Variants in CTNNA2 observed in about 807,000 individuals in gnomAD.
The protein encoded by CTNNA2 is catenin alpha 2, also known as catenin alpha-2.
In CTNNA2, 42 loss-of-function variants were observed where a neutral mutation model predicts 101.0. That is an observed-to-expected ratio of 0.42 (90% CI 0.32 to 0.54). CTNNA2 has a LOEUF of 0.54. Among genes scored for constraint, CTNNA2 ranks in the 20% least tolerant of loss-of-function variants. The probability of loss-of-function intolerance (pLI) is 0.14; values close to 1 mark genes in which losing one functional copy is unlikely to be tolerated. For synonymous variants in CTNNA2, 450 were observed against 456.4 expected (o/e 0.99, Z 0.18); for missense variants, 871 against 1,223.1 (o/e 0.71, Z 4.29).
At chr2:79,657,723 G>A (rs147378364) in intron 2 of CTNNA2, among the ~76,000 whole-genome samples, 1 of 151,492 alleles carries the variant, frequency 6.6e-6, no homozygotes, top group East Asian at 1.9e-4. Flanking sequence ...AGCAGTATAT[G>A]AAAAGATCAG....
intron 7 of CTNNA2, among the ~76,000 whole-genome samples, chr2:80,237,999 C>T (rs1257194052): frequency 6.7e-6 from 1 of 149,398 alleles, no homozygotes; most frequent in Non-Finnish European, 1.5e-5. Flanking sequence ...TAGCCACTCC[C>T]CTGACGTGTC....
intron 14 of CTNNA2, among the ~76,000 whole-genome samples, chr2:80,582,837 C>G (rs1012573152): frequency 1.3e-5 from 2 of 151,958 alleles, no homozygotes; most frequent in African/African-American, 4.8e-5. Flanking sequence ...CCCACACTGC[C>G]TTAAGAATTA....
chr2:80,527,944 C>G (rs2149588330), intron 9 of CTNNA2, among the ~76,000 whole-genome samples: 1 of 152,290 alleles, frequency 6.6e-6, no homozygotes, highest in South Asian at 2.1e-4. Context: ...GTGTGGGTCC[C>G]AGGCATCAAT....
chr2:80,426,088 A>G (rs1285362013), intron 9 of CTNNA2, among the ~76,000 whole-genome samples: 3 of 152,272 alleles, frequency 2.0e-5, no homozygotes, highest in African/African-American at 4.8e-5. Context: ...TAAAATAATT[A>G]TTAGTAATTT....
In CTNNA2 at chr2:80,400,286, C is replaced by T. The variant is rs995482918; in HGVS notation, c.1137+6995C>T. ...ATCAGGACTGCTGATATTTCTTTAT[C>T]TCCCCATTTCCTGAGGAGGCTGGAC... is the stretch of plus-strand genomic sequence containing the variant. On this transcript the variant is annotated intron_variant, in intron 8 of 18. Coordinates refer to ENST00000402739, the MANE Select transcript of CTNNA2 (RefSeq NM_001282597.3). Among the ~76,000 whole-genome samples, 6 of 152,240 alleles carry T rather than the reference C, an allele frequency of 3.9e-5. No individual in the cohort carries two copies. In the East Asian group the frequency reaches 1.2e-3, roughly 29 times the overall value.
intron 3 of CTNNA2, among the ~76,000 whole-genome samples, chr2:79,745,157 G>A (rs554469862): frequency 6.6e-6 from 1 of 152,110 alleles, no homozygotes; most frequent in Non-Finnish European, 1.5e-5. Context: ...ACGGCCGGGT[G>A]CGGTGGCTCA....
In CTNNA2 at chr2:80,020,397, G is replaced by C. The variant is rs867326701; in HGVS notation, c.1056+110600G>C. On this transcript the variant is annotated intron_variant, in intron 7 of 18. Transcript: ENST00000402739. ...ACAGTGTATGATCTAGAAAGGGAAA[G>C]GAGAGGTAGAAAAATCTGCTCATTG... 7.9e-5 allele frequency among the ~76,000 whole-genome samples: 12 copies of C among 152,248 alleles called. No individual in the cohort carries two copies. The South Asian group carries it at 1.9e-3, about 24-fold the overall frequency.
At chr2:80,180,676 C>G (rs1197871720) in intron 7 of CTNNA2, among the ~76,000 whole-genome samples, 2 of 152,194 alleles carry the variant, frequency 1.3e-5, no homozygotes, top group East Asian at 3.9e-4. Context: ...TCTCACATAT[C>G]TATTTTGCAA....
chr2:80,040,770 T>C lies in CTNNA2; in HGVS notation c.1056+130973T>C, dbSNP rs577277951. ...AGATTTTACTGTCTCAATGATTTTG[T>C]GTTGGACGATTCAATTAAAGGTCTT... On this transcript the variant is annotated intron_variant, in intron 7 of 18. Coordinates refer to ENST00000402739, the MANE Select transcript of CTNNA2 (RefSeq NM_001282597.3). Among the ~76,000 whole-genome samples, 227 of 152,310 alleles carry C rather than the reference T, an allele frequency of 1.5e-3. 1 individual carries two copies. Among genetic ancestry groups the C allele is most frequent in the Non-Finnish European group, 2.5e-3 (169 of 68,028 alleles).
At chr2:80,596,891 CT>C (rs1227671754) in intron 15 of CTNNA2, among the ~76,000 whole-genome samples, 1 of 152,040 alleles carries the variant, frequency 6.6e-6, no homozygotes, top group African/African-American at 2.4e-5. Flanking sequence ...CCATCAATGC[CT>C]AGTTTGTTAA....
At chr2:79,219,384 T>C (rs1674312496) in intron 2 of CTNNA2, among the ~76,000 whole-genome samples, 1 of 152,194 alleles carries the variant, frequency 6.6e-6, no homozygotes, top group Non-Finnish European at 1.5e-5. Context: ...TCCTATAGAG[T>C]AGCCACTGCC....
chr2:80,217,839 G>A (rs1428382102), intron 7 of CTNNA2, among the ~76,000 whole-genome samples: 1 of 152,138 alleles, frequency 6.6e-6, no homozygotes, highest in Non-Finnish European at 1.5e-5. Flanking sequence ...CTGCACACCT[G>A]AGCCTCCTCT....
intron 7 of CTNNA2, among the ~76,000 whole-genome samples, chr2:80,080,572 G>A (rs1329651259): frequency 1.3e-5 from 2 of 152,192 alleles, no homozygotes; most frequent in Admixed American, 6.5e-5. Flanking sequence ...ATTTCTTAGG[G>A]ATAATCCAGA....
At chr2:79,487,049 T>C (rs1203494883) in intron 4 of CTNNA2, among the ~76,000 whole-genome samples, 1 of 152,196 alleles carries the variant, frequency 6.6e-6, no homozygotes, top group Non-Finnish European at 1.5e-5. Flanking sequence ...ACATAATAAA[T>C]TTAAAAAACT....
chr2:79,886,062 A>C (rs1194399509), intron 6 of CTNNA2, among the ~76,000 whole-genome samples: 1 of 152,224 alleles, frequency 6.6e-6, no homozygotes, highest in Non-Finnish European at 1.5e-5. Context: ...AATACTTAGT[A>C]AACAGCTATA....
Position 79,909,896 on chromosome 2 carries a change from A to G in CTNNA2, c.1056+99A>G, listed in dbSNP as rs75447453. The stretch of plus-strand genomic sequence containing the variant: ...AGATAGCAGGAAAAGAGAACAGACC[A>G]GGTGTTTACCAAAGAGAGTCAGGTG... On this transcript the variant is annotated intron_variant, in intron 7 of 18. Coordinates refer to ENST00000402739, the MANE Select transcript of CTNNA2 (RefSeq NM_001282597.3). The G allele has an allele frequency of 1.4e-3, 1,752 of 1,232,510 alleles. 25 individuals carry two copies. In the African/African-American group the frequency reaches 0.024, roughly 17 times the overall value. 76.3% of individuals were successfully genotyped at this position (1,232,510 alleles called of 1,614,324 possible).
chr2:79,779,992 A>G (rs1204476849), intron 3 of CTNNA2, among the ~76,000 whole-genome samples: 1 of 152,132 alleles, frequency 6.6e-6, no homozygotes, highest in Non-Finnish European at 1.5e-5. Flanking sequence ...CTTACAATCT[A>G]TTATCTCTGA....
chr2:79,704,302 T>G (rs1484215604), intron 2 of CTNNA2, among the ~76,000 whole-genome samples: 1 of 152,228 alleles, frequency 6.6e-6, no homozygotes, highest in African/African-American at 2.4e-5. Context: ...CTTTTCTTCC[T>G]TTATTGTTAC....
At chr2:80,483,659 G>A (rs1362570425) in intron 9 of CTNNA2, among the ~76,000 whole-genome samples, 1 of 152,052 alleles carries the variant, frequency 6.6e-6, no homozygotes, top group East Asian at 1.9e-4. Flanking sequence ...TATGAACTAA[G>A]GAGAATGGTG....
Sources: gnomAD v4.1 joint callset for allele counts (sites outside exome capture counted in the v4.1 genomes callset) on GRCh38, gnomAD v4.1.1 for gene constraint, MANE v1.5 for transcripts, NCBI Gene and HGNC (gene_info 2026-07-23, HGNC 2026-07-21) for gene names.